The following GPRC5C variants were observed in gnomAD, a reference collection of about 807,000 sequenced individuals.
GPRC5C encodes the protein G protein-coupled receptor class C group 5 member C.
GPRC5C carries 22 observed loss-of-function variants against 31.4 expected under a neutral mutation model. That is an observed-to-expected ratio of 0.70 (90% CI 0.50 to 1.00). The LOEUF (loss-of-function observed/expected upper bound fraction) is 1.00, where lower values mean the gene tolerates loss of function less well. GPRC5C is among the 50% of genes least tolerant of loss of function. The pLI is 0.00. For missense variants in GPRC5C, 557 were observed against 597.2 expected, an observed-to-expected ratio of 0.93 and a Z score of 0.70; for synonymous variants, 249 against 257.5, an observed-to-expected ratio of 0.97 and a Z score of 0.32.
In GPRC5C at chr17:74,446,992, C is replaced by A. The variant is rs781545029; in HGVS notation, c.1290C>A (p.Asn430Lys). 1.2e-6 allele frequency: 2 copies of A among 1,614,164 alleles called. No individual in the cohort carries two copies. The highest frequency in any genetic ancestry group is 8.5e-7 in the Non-Finnish European group (1 of 1,179,968). The change falls in exon 4 of 4, where the codon AAC becomes AAA. Residue 430 changes from asparagine to lysine, a missense_variant. Coordinates refer to ENST00000392627, the MANE Select transcript of GPRC5C (RefSeq NM_022036.4). Reference sequence around the variant, plus strand: ...CCACACCGCCGAAAGACGGCAAGAACTCTCAGGTCTTTAGAAACCCCTACG... The same window carrying A: ...CCACACCGCCGAAAGACGGCAAGAAATCTCAGGTCTTTAGAAACCCCTACG... Reference protein sequence around the residue: ...QAATPPKDGKNSQVFRNPYVW... With the variant: ...QAATPPKDGKKSQVFRNPYVW...
chr17:74,435,092 G>GC (rs2055414278), intron 1 of GPRC5C, among the ~76,000 whole-genome samples: 1 of 142,504 alleles, frequency 7.0e-6, no homozygotes, highest in South Asian at 2.3e-4. Context: ...GGTGGCGGGC[G>GC]CCTGTAGTCC....
intron 1 of GPRC5C, among the ~76,000 whole-genome samples, chr17:74,438,354 G>C (rs543994311): frequency 1.3e-5 from 2 of 150,590 alleles, no homozygotes; most frequent in Admixed American, 1.3e-4. Flanking sequence ...TCCACCTCCC[G>C]GGCTCAAGCA....
In GPRC5C at chr17:74,440,799, G is replaced by C; in HGVS notation, c.1023G>C (p.Lys341Asn). Residue 341 changes from lysine to asparagine, a missense_variant, in exon 2 of 4, where the codon AAG (lysine) becomes AAC (asparagine). Lys to Asn is a moderately conservative substitution (Grantham distance 94, BLOSUM62 0). Coordinates refer to ENST00000392627, the MANE Select transcript of GPRC5C (RefSeq NM_022036.4). This position sits in a 1 kb window ranked among gnomAD's most constrained non-coding sequence, Gnocchi z 4.4. Reference sequence around the variant, plus strand: ...GTCAGAGCATGTTCGTGGAGAACAAGGCCTTTTCCATGGATGAGCCGGTTG... The same window carrying C: ...GTCAGAGCATGTTCGTGGAGAACAACGCCTTTTCCATGGATGAGCCGGTTG... ...QKGQSMFVEN[K>N]AFSMDEPVAA... 6.6e-7 allele frequency: 1 copy of C among 1,509,934 alleles called. No individual in the cohort carries two copies. The highest frequency in any genetic ancestry group is 8.9e-7 in the Non-Finnish European group (1 of 1,123,174). The allele number at this position is 1,509,934 out of a possible 1,614,324, so 93.5% of individuals were successfully genotyped here.
downstream of GPRC5C, chr17:74,449,859 G>T (rs1218980316): frequency 1.3e-5 from 2 of 155,968 alleles, no homozygotes; most frequent in Non-Finnish European, 2.8e-5. Context: ...AGCCAGGGCA[G>T]AAGTTGGCCC....
intron 1 of GPRC5C, among the ~76,000 whole-genome samples, chr17:74,432,880 A>G (rs58513901): frequency 0.05 from 7,532 of 151,818 alleles, 534 homozygotes; most frequent in African/African-American, 0.15. Flanking sequence ...TGTGGCCCTA[A>G]AAATGGGAGA....
At chr17:74,448,894 C>G, downstream of GPRC5C, 1 of 1,289,878 alleles carries the variant, frequency 7.8e-7, no homozygotes, top group South Asian at 1.2e-5. Context: ...GTCCAGCAGC[C>G]TCTCTCCGTG....
chr17:74,440,142 C>T lies in GPRC5C; in HGVS notation c.366C>T (p.Leu122=), dbSNP rs761670340. 5.6e-6 allele frequency: 9 copies of T among 1,614,206 alleles called. No homozygotes were observed. The highest frequency in any genetic ancestry group is 6.8e-6 in the Non-Finnish European group (8 of 1,180,038). Residue 122 remains leucine, a synonymous_variant, in exon 2 of 4, where the codon CTC becomes CTT. Transcript: ENST00000392627. The surrounding 1 kb of genome is among the most constrained non-coding windows in gnomAD (Gnocchi z 4.4). ...DFSTCASRRF[L]FGVLFAICFS... ...CCACCTGTGCCTCTCGGCGCTTCCT[C>T]TTTGGGGTTCTGTTCGCCATCTGCT...
rs2055514484 is a variant in GPRC5C, at chr17:74,440,448, C to T, written c.672C>T (p.Phe224=). The change falls in exon 2 of 4, where the codon TTC becomes TTT. Residue 224 remains phenylalanine, a synonymous_variant. Coordinates refer to ENST00000392627, the MANE Select transcript of GPRC5C (RefSeq NM_022036.4). This position sits in a 1 kb window ranked among gnomAD's most constrained non-coding sequence, Gnocchi z 4.4. ...IYVMLLLLGA[F]LGAWPALCGR... is the part of the protein sequence containing the mutation. The stretch of plus-strand genomic sequence containing the variant: ...TCATGCTGCTGCTGCTGGGTGCCTT[C>T]CTGGGGGCCTGGCCCGCCCTGTGTG... The T allele has an allele frequency of 1.2e-6, 2 of 1,614,044 alleles. No homozygotes were observed. Among genetic ancestry groups the T allele is most frequent in the African/African-American group, 2.7e-5 (2 of 75,072 alleles).
At chr17:74,448,272 GC>G (rs1260989338), downstream of GPRC5C, among the ~76,000 whole-genome samples, 2 of 152,202 alleles carry the variant, frequency 1.3e-5, no homozygotes, top group Non-Finnish European at 2.9e-5. Context: ...TTACACTACT[GC>G]CTGGGCAACA....
intron 3 of GPRC5C, among the ~76,000 whole-genome samples, chr17:74,444,128 C>T (rs1005587972): frequency 2.6e-5 from 4 of 152,240 alleles, no homozygotes; most frequent in African/African-American, 4.8e-5. Flanking sequence ...TTCAGCTGCA[C>T]TGCAGTGGGA....
chr17:74,432,363 G>A (rs976930983), intron 1 of GPRC5C: 2 of 1,373,312 alleles, frequency 1.5e-6, no homozygotes, highest in South Asian at 3.2e-5. Context: ...GTCCCAGGGA[G>A]AGGCAGGCCC....
At chr17:74,446,534 T>C in intron 3 of GPRC5C, 1 of 269,462 alleles carries the variant, frequency 3.7e-6, no homozygotes, top group East Asian at 6.7e-5. Flanking sequence ...TGGCTGACTC[T>C]CCACTGGCCC....
chr17:74,441,412 G>A (rs1598431211), intron 2 of GPRC5C, among the ~76,000 whole-genome samples: 1 of 152,106 alleles, frequency 6.6e-6, no homozygotes, highest in Non-Finnish European at 1.5e-5. Context: ...GTCCCATCCT[G>A]TTCCATCCCC....
Position 74,440,679 on chromosome 17 carries a change from C to T in GPRC5C, c.903C>T (p.Ser301=), listed in dbSNP as rs149158209. Reference sequence around the variant, plus strand: ...TCTTCTACGTCATCCCCGAGGTCTCCCAGGTGACCAAGTCCAGCCCAGAGC... The same window carrying T: ...TCTTCTACGTCATCCCCGAGGTCTCTCAGGTGACCAAGTCCAGCCCAGAGC... The part of the protein sequence containing the change: ...FVLFYVIPEV[S]QVTKSSPEQS... The change falls in exon 2 of 4, where the codon TCC becomes TCT. Residue 301 remains serine (S), a synonymous_variant. Coordinates refer to ENST00000392627, the MANE Select transcript of GPRC5C (RefSeq NM_022036.4). The surrounding 1 kb of genome is among the most constrained non-coding windows in gnomAD (Gnocchi z 4.4). The T allele has an allele frequency of 3.1e-6, 5 of 1,608,176 alleles. No homozygotes were observed. The African/African-American group carries it at 4.0e-5, about 13-fold the overall frequency.
chr17:74,433,161 G>T (rs1348721744), intron 1 of GPRC5C, among the ~76,000 whole-genome samples: 1 of 152,048 alleles, frequency 6.6e-6, no homozygotes, highest in East Asian at 1.9e-4. Context: ...CAAACTCCAC[G>T]ATCAAGATCC....
At chr17:74,434,646 G>A (rs1360932117) in intron 1 of GPRC5C, among the ~76,000 whole-genome samples, 1 of 152,236 alleles carries the variant, frequency 6.6e-6, no homozygotes, top group Non-Finnish European at 1.5e-5. Flanking sequence ...CATTGGGCCG[G>A]GAACGGTGGC....
intron 3 of GPRC5C, chr17:74,446,508 T>C (rs1598434672): frequency 4.5e-6 from 1 of 220,740 alleles, no homozygotes; most frequent in South Asian, 1.6e-4. Context: ...GTCAGACAGG[T>C]AGTAGCAGCT....
rs369264703 is a variant in GPRC5C at position 74,440,336 on chromosome 17, G to A, written c.560G>A (p.Gly187Asp). The change falls in exon 2 of 4, where the codon GGC becomes GAC. Residue 187 changes from glycine (G) to aspartate (D), a missense_variant. Gly to Asp is a moderately conservative substitution (Grantham distance 94). Coordinates refer to ENST00000392627, the MANE Select transcript of GPRC5C (RefSeq NM_022036.4). The surrounding 1 kb of genome is among the most constrained non-coding windows in gnomAD (Gnocchi z 4.4). ...ITLVRGSGEG[G>D]PQGNSSAGWA... ...CTGGTTCGGGGCAGTGGCGAGGGCG[G>A]CCCTCAGGGCAACAGCAGCGCAGGC... The A allele has an allele frequency of 1.2e-5, 20 of 1,614,046 alleles. No individual in the cohort carries two copies. The African/African-American group carries it at 2.0e-4, about 16-fold the overall frequency.
chr17:74,435,965 C>A (rs1273958328), intron 1 of GPRC5C, among the ~76,000 whole-genome samples: 1 of 152,200 alleles, frequency 6.6e-6, no homozygotes, highest in Non-Finnish European at 1.5e-5. Context: ...ATGGCTTTAC[C>A]TTTGGCCTTG....
Sources: allele counts gnomAD v4.1 joint callset (sites outside exome capture counted in the v4.1 genomes callset), GRCh38; gene constraint gnomAD v4.1.1; non-coding constraint Gnocchi (gnomAD v3.1); transcripts MANE v1.5; gene names NCBI Gene and HGNC (gene_info 2026-07-23, HGNC 2026-07-21).